Variants in TOP1MT observed in about 807,000 individuals in gnomAD.
The protein encoded by TOP1MT is DNA topoisomerase I mitochondrial, also known as DNA topoisomerase I, mitochondrial.
A neutral mutation model predicts 73.9 loss-of-function variants in TOP1MT; 80 were observed. That is an observed-to-expected ratio of 1.08 (90% CI 0.90 to 1.30). The LOEUF is 1.30. Ranked by LOEUF, TOP1MT falls within the 50% of genes most tolerant of loss-of-function variation. The pLI, the probability that TOP1MT is intolerant of heterozygous loss-of-function variation, is 0.00. For missense variants in TOP1MT, 815 were observed against 808.0 expected, an observed-to-expected ratio of 1.01 and a Z score of -0.10; for synonymous variants, 338 against 326.4, an observed-to-expected ratio of 1.04 and a Z score of -0.38.
intron 8 of TOP1MT, among the ~76,000 whole-genome samples, chr8:143,318,738 C>T (rs751301604): frequency 1.3e-5 from 2 of 152,130 alleles, no homozygotes; most frequent in African/African-American, 2.4e-5. Context: ...GGGCAGGAGG[C>T]CCCGCACCCC....
At position 143,331,271 on chromosome 8, in the gene TOP1MT, G is replaced by A; in HGVS notation, c.191C>T (p.Ala64Val). Residue 64 changes from alanine (A) to valine (V), a missense_variant, in exon 2 of 14, where the codon GCA becomes GTA. Around this residue, in one of 3 missense-constraint regions of TOP1MT, gnomAD observed 751 missense variants for 725.4 expected, o/e 1.04. Coordinates refer to ENST00000329245, the MANE Select transcript of TOP1MT (RefSeq NM_052963.3). Reference protein sequence around the residue: ...RQLEHKGPYFAPPYEPLPDGV... With the variant: ...RQLEHKGPYFVPPYEPLPDGV... ...GTCGGGAAGGGGCTCGTATGGGGGT[G>A]CGAAGTACGGGCCCTTGTGCTCCAG... 3 of 1,612,446 alleles carry A rather than the reference G, an allele frequency of 1.9e-6. No homozygotes were observed. The highest frequency in any genetic ancestry group is 1.1e-5 in the South Asian group (1 of 90,974).
chr8:143,320,425 C>T (rs1316552471), intron 8 of TOP1MT, among the ~76,000 whole-genome samples: 1 of 152,030 alleles, frequency 6.6e-6, no homozygotes, highest in Non-Finnish European at 1.5e-5. Context: ...CCACCTTGCC[C>T]GGCTGTTTTT....
At chr8:143,342,215 CAG>C (rs1460012251) in intron 2 of TOP1MT, among the ~76,000 whole-genome samples, 7 of 122,248 alleles carry the variant, frequency 5.7e-5, no homozygotes, top group South Asian at 2.5e-4. Context: ...TTATTAGAGA[CAG>C]AGTCTCGCTC....
intron 10 of TOP1MT, 59 bp downstream of exon 10, chr8:143,317,664 C>G (rs569674912): frequency 4.5e-5 from 65 of 1,459,322 alleles, no homozygotes; most frequent in Middle Eastern, 2.3e-4. Context: ...CCGGGGAGCC[C>G]GGTCTGGGGC....
At chr8:143,314,054 C>A (rs983160653) in intron 12 of TOP1MT, among the ~76,000 whole-genome samples, 6 of 152,096 alleles carry the variant, frequency 3.9e-5, no homozygotes, top group Non-Finnish European at 7.3e-5. Context: ...CTCCTTCACA[C>A]CCACTGGGCT....
intron 7 of TOP1MT, among the ~76,000 whole-genome samples, chr8:143,322,564 CA>C (rs1288877260): frequency 5.3e-5 from 7 of 132,486 alleles, no homozygotes; most frequent in African/African-American, 6.2e-5. Flanking sequence ...ACGCCACACA[CA>C]GACACGCCAC....
At chr8:143,334,907 G>A, upstream of TOP1MT, 6 of 1,362,162 alleles carry the variant, frequency 4.4e-6, no homozygotes, top group African/African-American at 1.6e-5. Context: ...CCGCCCCAGC[G>A]GCCAGCCCCG....
intron 7 of TOP1MT, among the ~76,000 whole-genome samples, chr8:143,322,535 A>T: frequency 8.8e-6 from 1 of 114,194 alleles, no homozygotes; most frequent in Non-Finnish European, 1.7e-5. Context: ...CACGCCAAAG[A>T]TGCACGCCAC....
rs902043786 is a variant in TOP1MT at position 143,309,654 on chromosome 8, C to T, written c.1704-111G>A. ...CTCCATGCAGCAGAGACACCAGAGC[C>T]GCCTGGTGTAGCTGGGACCTGCTCC... On this transcript the variant is annotated intron_variant, in intron 13 of 13. Coordinates refer to ENST00000329245, the MANE Select transcript of TOP1MT (RefSeq NM_052963.3). 2.3e-5 allele frequency: 36 copies of T among 1,547,602 alleles called. No homozygotes were observed. In the African/African-American group the frequency reaches 3.9e-4, roughly 17 times the overall value.
rs549796737 is a variant in TOP1MT, at chr8:143,329,217, T to C, written c.360+133A>G. ...AGGAGCTCGAAGCTGCAAAGAGCCA[T>C]GACGGCACCTGTGAGTGGTCACACA... On this transcript the variant is annotated intron_variant, in intron 3 of 13. Transcript: ENST00000329245. The C allele has an allele frequency of 3.4e-5, 34 of 1,010,582 alleles. 1 individual carries two copies. In the African/African-American group the frequency reaches 4.3e-4, roughly 13 times the overall value. The allele number at this position is 1,010,582 out of a possible 1,614,324, so 62.6% of individuals were successfully genotyped here. A position where few individuals can be genotyped will look rare whatever the true frequency, so the allele number is the denominator to read the frequency against.
At chr8:143,349,719 C>A (rs1249846951), upstream of TOP1MT, among the ~76,000 whole-genome samples, 1 of 151,616 alleles carries the variant, frequency 6.6e-6, no homozygotes, top group African/African-American at 2.4e-5. Context: ...CGGCTCACTG[C>A]AACCTCTGCC....
intron 3 of TOP1MT, 41 bp downstream of exon 3, chr8:143,329,309 C>G (rs757282284): frequency 1.3e-6 from 2 of 1,542,690 alleles, no homozygotes; most frequent in Non-Finnish European, 1.7e-6. Flanking sequence ...GCCTAGCCAG[C>G]CAGGTCCAGG....
At chr8:143,338,928 C>T (rs1028373062), upstream of TOP1MT, among the ~76,000 whole-genome samples, 3 of 152,192 alleles carry the variant, frequency 2.0e-5, no homozygotes, top group Non-Finnish European at 4.4e-5. Flanking sequence ...CCCAAGGGAG[C>T]GGGGACAGGG....
upstream of TOP1MT, among the ~76,000 whole-genome samples, chr8:143,357,649 C>T (rs549966543): frequency 2.0e-5 from 3 of 152,044 alleles, no homozygotes; most frequent in Admixed American, 2.0e-4. Flanking sequence ...AGGCCAAGTG[C>T]GGTGGCTCAC....
intron 3 of TOP1MT, among the ~76,000 whole-genome samples, chr8:143,328,846 G>A (rs1200735684): frequency 6.6e-6 from 1 of 152,234 alleles, no homozygotes; most frequent in Non-Finnish European, 1.5e-5. Flanking sequence ...GGAGGGCACA[G>A]AATCCGCGGC....
chr8:143,309,516 C>T lies in TOP1MT; in HGVS notation c.1731G>A (p.Glu577=), dbSNP rs1563750301. ...CCCGCTGTGTTTTGCTGTAGATCTT[C>T]TCCACTGGCACCCTGAACCGCTTGC... The part of the protein sequence containing the change: ...AWCKRFRVPV[E]KIYSKTQRER... Residue 577 remains glutamate (E), a synonymous_variant, in exon 14 of 14, where the codon GAG becomes GAA. Transcript: ENST00000329245. 6.2e-7 allele frequency: 1 copy of T among 1,614,058 alleles called. No homozygotes were observed.
intron 7 of TOP1MT, 145 bp downstream of exon 7, chr8:143,323,854 C>T (rs1816626744): frequency 8.3e-6 from 7 of 840,094 alleles, no homozygotes; most frequent in Admixed American, 2.4e-5. Flanking sequence ...CACCCACACA[C>T]GTGTGCACAT....
upstream of TOP1MT, among the ~76,000 whole-genome samples, chr8:143,347,022 G>A (rs1817234519): frequency 6.6e-6 from 1 of 151,520 alleles, no homozygotes; most frequent in South Asian, 2.1e-4. Flanking sequence ...GTCTCACTCT[G>A]TGGACAGGCT....
At chr8:143,357,865 G>A (rs1483083226), upstream of TOP1MT, among the ~76,000 whole-genome samples, 1 of 151,464 alleles carries the variant, frequency 6.6e-6, no homozygotes, top group African/African-American at 2.4e-5. Context: ...AGGTTGCAGT[G>A]AGCCAAGATT....
Sources: allele counts gnomAD v4.1 joint callset (sites outside exome capture counted in the v4.1 genomes callset), GRCh38; gene constraint gnomAD v4.1.1; regional missense constraint gnomAD v4.1.1; transcripts MANE v1.5; gene names NCBI Gene and HGNC (gene_info 2026-07-23, HGNC 2026-07-21).